MACROD2: variants seen among roughly 807,000 people sequenced by gnomAD.
The protein encoded by MACROD2 is mono-ADP ribosylhydrolase 2.
In MACROD2, 36 loss-of-function variants were observed where a neutral mutation model predicts 70.4. The ratio of observed to expected loss-of-function variants is 0.51; its 90% CI spans 0.39 to 0.68. The LOEUF (loss-of-function observed/expected upper bound fraction) is 0.68. MACROD2 is among the 30% of genes least tolerant of loss of function. The pLI is 0.00. For missense variants in MACROD2, 496 were observed against 538.4 expected (o/e 0.92, Z 0.78); for synonymous variants, 172 against 178.8 (o/e 0.96, Z 0.30).
chr20:14,627,045 C>T (rs1035482890), intron 4 of MACROD2: 9 of 152,160 alleles, frequency 5.9e-5, no homozygotes, highest in African/African-American at 2.2e-4. Flanking sequence ...ACTAACTTTC[C>T]TCTTGTAAAT....
chr20:14,618,782 A>G (rs1026040784), intron 4 of MACROD2, among the ~76,000 whole-genome samples: 2 of 152,152 alleles, frequency 1.3e-5, no homozygotes, highest in Non-Finnish European at 2.9e-5. Flanking sequence ...ATACATTCAT[A>G]TGGTAAATAA....
chr20:15,813,667 T>C (rs1375460905), intron 8 of MACROD2, among the ~76,000 whole-genome samples: 1 of 152,130 alleles, frequency 6.6e-6, no homozygotes, highest in Non-Finnish European at 1.5e-5. Context: ...TGATCCCAGC[T>C]ACCCAGGAGG....
intron 3 of MACROD2, among the ~76,000 whole-genome samples, chr20:14,462,894 A>G (rs1465047556): frequency 5.3e-5 from 8 of 151,718 alleles, no homozygotes; most frequent in Non-Finnish European, 1.0e-4. Flanking sequence ...ATTGGTCTAT[A>G]TCTCTGTTTT....
At chr20:14,056,043 A>T (rs1301058928) in intron 2 of MACROD2, among the ~76,000 whole-genome samples, 2 of 152,172 alleles carry the variant, frequency 1.3e-5, no homozygotes, top group African/African-American at 4.8e-5. Flanking sequence ...AATATATGAT[A>T]TAATTAGATT....
At chr20:15,684,116 C>CCA (rs2050195864) in intron 8 of MACROD2, among the ~76,000 whole-genome samples, 2 of 152,152 alleles carry the variant, frequency 1.3e-5, no homozygotes, top group Non-Finnish European at 1.5e-5. Context: ...TTTCTTCTAT[C>CCA]CCATTCCTTC....
rs1555832707 is a variant in MACROD2 at position 14,804,892 on chromosome 20, T to TGTGTGTGTGTGA, written c.418+119934_418+119935insTGTGTGTGTGAG. Among the ~76,000 whole-genome samples, 711 of 148,686 alleles carry TGTGTGTGTGTGA rather than the reference T, an allele frequency of 4.8e-3. 7 individuals carry two copies. The highest frequency in any genetic ancestry group is 0.016 in the African/African-American group (668 of 40,538). On this transcript the variant is annotated intron_variant, in intron 5 of 17. Transcript: ENST00000684519. ...GTGTGTGCTTTTGTGTGTGTGTGTG[T>TGTGTGTGTGTGA]GAGAGAGAGAGAGAGAGAGACAGAG...
intron 6 of MACROD2, among the ~76,000 whole-genome samples, chr20:15,354,577 T>A (rs1298902617): frequency 6.6e-6 from 1 of 152,178 alleles, no homozygotes; most frequent in Non-Finnish European, 1.5e-5. Context: ...ACAACATGTT[T>A]TAAGCTGTAA....
At chr20:14,957,998 A>G (rs182976000) in intron 5 of MACROD2, among the ~76,000 whole-genome samples, 3 of 152,246 alleles carry the variant, frequency 2.0e-5, no homozygotes, top group African/African-American at 7.2e-5. Flanking sequence ...GTTTTTGCCA[A>G]CCTAATAATA....
intron 5 of MACROD2, among the ~76,000 whole-genome samples, chr20:14,984,073 C>T (rs2074826668): frequency 6.6e-6 from 1 of 152,128 alleles, no homozygotes; most frequent in Admixed American, 6.6e-5. Context: ...CTTCAAAGGG[C>T]TGGAAACTCT....
intron 8 of MACROD2, among the ~76,000 whole-genome samples, chr20:15,814,015 A>G (rs971143975): frequency 1.3e-5 from 2 of 152,230 alleles, no homozygotes; most frequent in African/African-American, 4.8e-5. Context: ...AAAAATAACA[A>G]TTAGAAAAGA....
intron 5 of MACROD2, among the ~76,000 whole-genome samples, chr20:14,807,024 C>G (rs1279517161): frequency 2.0e-5 from 3 of 152,134 alleles, no homozygotes; most frequent in African/African-American, 7.2e-5. Flanking sequence ...CTTTAGCAGA[C>G]TTAAACGTTC....
chr20:15,696,015 C>A (rs1308142444), intron 8 of MACROD2, among the ~76,000 whole-genome samples: 2 of 152,268 alleles, frequency 1.3e-5, no homozygotes, highest in East Asian at 3.9e-4. Context: ...TCCTCTTTAC[C>A]GATTTGGATG....
At chr20:15,484,042 C>CTTTTATTTTA (rs3071258) in intron 7 of MACROD2, among the ~76,000 whole-genome samples, 39,429 of 136,076 alleles carry the variant, frequency 0.29, 6,059 homozygotes, top group East Asian at 0.39. Flanking sequence ...ATCATTATGC[C>CTTTTATTTTA]TTTTATTTTA....
chr20:14,282,606 T>C (rs1457125205), intron 3 of MACROD2, among the ~76,000 whole-genome samples: 1 of 152,212 alleles, frequency 6.6e-6, no homozygotes, highest in Non-Finnish European at 1.5e-5. Flanking sequence ...GACTGGGTAA[T>C]TTAAAAATAA....
intron 4 of MACROD2, among the ~76,000 whole-genome samples, chr20:14,629,971 C>T (rs11696614): frequency 4.3e-4 from 48 of 111,188 alleles, no homozygotes; most frequent in Non-Finnish European, 6.5e-4. Context: ...ATCTATCTAT[C>T]TATCTATCTA....
intron 3 of MACROD2, chr20:14,352,512 A>G (rs1342025492): frequency 6.6e-6 from 1 of 152,186 alleles, no homozygotes; most frequent in Non-Finnish European, 1.5e-5. Flanking sequence ...CTGATGGTTT[A>G]TAGGGATGAC....
intron 5 of MACROD2, among the ~76,000 whole-genome samples, chr20:15,024,664 C>T (rs1449068292): frequency 6.6e-6 from 1 of 151,992 alleles, no homozygotes; most frequent in African/African-American, 2.4e-5. Flanking sequence ...TTTCTCTAAA[C>T]AAACGAAATA....
intron 6 of MACROD2, among the ~76,000 whole-genome samples, chr20:15,370,869 T>C (rs1304908990): frequency 1.3e-5 from 2 of 151,984 alleles, no homozygotes; most frequent in East Asian, 1.9e-4. Flanking sequence ...AGAGACTCAA[T>C]GTAATTTATT....
chr20:16,006,290 C>T (rs1269982792), intron 15 of MACROD2, among the ~76,000 whole-genome samples: 1 of 152,112 alleles, frequency 6.6e-6, no homozygotes, highest in East Asian at 1.9e-4. Context: ...ATCAAGGGGC[C>T]ATTTTTGGGG....
Sources: allele counts gnomAD v4.1 joint callset (sites outside exome capture counted in the v4.1 genomes callset), GRCh38; gene constraint gnomAD v4.1.1; transcripts MANE v1.5; gene names NCBI Gene and HGNC (gene_info 2026-07-23, HGNC 2026-07-21).